Variants in MGAT4C observed in about 807,000 individuals in gnomAD.
The protein encoded by MGAT4C is MGAT4 family member C.
Under a neutral mutation model 40.1 loss-of-function variants are expected in MGAT4C, and 19 were observed. The ratio of observed to expected loss-of-function variants is 0.47; its 90% confidence interval spans 0.33 to 0.70. The LOEUF is 0.70. Among genes scored for constraint, MGAT4C ranks in the 30% least tolerant of loss-of-function variants. MGAT4C has a pLI of 0.02. For synonymous variants in MGAT4C, 181 were observed against 187.1 expected (o/e 0.97, Z 0.27); for missense variants, 491 against 563.2 (o/e 0.87, Z 1.30).
intron 2 of MGAT4C, among the ~76,000 whole-genome samples, chr12:86,710,626 G>A (rs1231653257): frequency 2.0e-5 from 3 of 152,064 alleles, no homozygotes; most frequent in African/African-American, 4.8e-5. Context: ...AAAACAATAT[G>A]GAGATTCCTT....
intron 1 of MGAT4C, among the ~76,000 whole-genome samples, chr12:86,126,775 C>T (rs1759396281): frequency 1.3e-5 from 2 of 152,130 alleles, no homozygotes. Context: ...TGTGTGAATG[C>T]CATGGAGTGT....
intron 2 of MGAT4C, among the ~76,000 whole-genome samples, chr12:86,518,748 G>T (rs1228083819): frequency 6.6e-6 from 1 of 152,004 alleles, no homozygotes; most frequent in Non-Finnish European, 1.5e-5. Flanking sequence ...CTTCTATCAG[G>T]CATATTCAGT....
At chr12:86,355,604 T>C (rs1955291675) in intron 3 of MGAT4C, among the ~76,000 whole-genome samples, 1 of 151,928 alleles carries the variant, frequency 6.6e-6, no homozygotes, top group Non-Finnish European at 1.5e-5. Context: ...CAGGACAACA[T>C]GTTGAAAGTG....
chr12:86,748,536 T>C (rs1951186938), intron 1 of MGAT4C, among the ~76,000 whole-genome samples: 1 of 151,674 alleles, frequency 6.6e-6, no homozygotes, highest in Admixed American at 6.6e-5. Flanking sequence ...AAGAGCCATG[T>C]ATAAGAAGAG....
In MGAT4C at chr12:86,486,291, G is replaced by A. The variant is rs182330047; in HGVS notation, c.-228-51026C>T. On this transcript the variant is annotated intron_variant, in intron 2 of 7. Transcript: ENST00000548651. ...AAAGGTCTATGAAAAGACAAGACCC[G>A]ACTGTCTGCTCTTTTCAAGAGCACC... Among the ~76,000 whole-genome samples the A allele has an allele frequency of 1.2e-3, 182 of 151,568 alleles. 7 individuals are homozygous for A. In the East Asian group the frequency reaches 0.028, roughly 23 times the overall value.
At chr12:86,275,486 T>TA (rs1248999682) in intron 4 of MGAT4C, among the ~76,000 whole-genome samples, 4 of 152,210 alleles carry the variant, frequency 2.6e-5, no homozygotes, top group Non-Finnish European at 2.9e-5. Context: ...GTCCATGTCT[T>TA]AATCCCCGGA....
intron 4 of MGAT4C, among the ~76,000 whole-genome samples, chr12:86,276,763 T>A (rs1295900842): frequency 6.6e-6 from 1 of 152,220 alleles, no homozygotes; most frequent in African/African-American, 2.4e-5. Context: ...AATGACAGAA[T>A]CTCATTCTTT....
chr12:86,796,903 T>A (rs1184927224), intron 1 of MGAT4C, among the ~76,000 whole-genome samples: 3 of 151,880 alleles, frequency 2.0e-5, no homozygotes, highest in Non-Finnish European at 1.5e-5. Context: ...GTACAATACA[T>A]ACAATTGTAT....
intron 1 of MGAT4C, among the ~76,000 whole-genome samples, chr12:86,837,553 G>GTACACCATGCTCCAGGTCAAATA (rs745807591): frequency 1.3e-5 from 2 of 151,956 alleles, no homozygotes; most frequent in African/African-American, 2.4e-5. Flanking sequence ...ACAGCAGCAG[G>GTACACCATGCTCCAGGTCAAATA]TACACCATGC....
At chr12:86,509,857 CTGTT>C (rs1372850430) in intron 2 of MGAT4C, among the ~76,000 whole-genome samples, 1 of 152,106 alleles carries the variant, frequency 6.6e-6, no homozygotes, top group Non-Finnish European at 1.5e-5. Flanking sequence ...ATTTAGCTCT[CTGTT>C]TGTCTGCTAT....
chr12:86,191,126 CACACA>C (rs1593190150), intron 1 of MGAT4C, among the ~76,000 whole-genome samples: 1 of 139,342 alleles, frequency 7.2e-6, no homozygotes, highest in Admixed American at 6.9e-5. Flanking sequence ...CACACACACA[CACACA>C]CACCCCTATA....
intron 1 of MGAT4C, among the ~76,000 whole-genome samples, chr12:86,738,639 T>C (rs1189614078): frequency 1.3e-5 from 2 of 151,318 alleles, no homozygotes; most frequent in African/African-American, 2.4e-5. Context: ...TACATATTGT[T>C]CGATTTTATT....
At chr12:86,677,464 A>G (rs1949888535) in intron 2 of MGAT4C, among the ~76,000 whole-genome samples, 1 of 152,102 alleles carries the variant, frequency 6.6e-6, no homozygotes, top group Admixed American at 6.6e-5. Flanking sequence ...GCAATCAGGG[A>G]ATGAGGTTAC....
chr12:86,604,579 G>A (rs1472463461), intron 2 of MGAT4C, among the ~76,000 whole-genome samples: 1 of 152,030 alleles, frequency 6.6e-6, no homozygotes, highest in Non-Finnish European at 1.5e-5. Flanking sequence ...TATCTAACAT[G>A]ATCCACATAA....
At chr12:86,707,269 G>GA (rs1163676530) in intron 2 of MGAT4C, among the ~76,000 whole-genome samples, 2 of 152,164 alleles carry the variant, frequency 1.3e-5, no homozygotes, top group South Asian at 2.1e-4. Context: ...AAGAAGACAG[G>GA]AAAATGTGGG....
At chr12:86,328,751 T>C (rs957437931) in intron 4 of MGAT4C, among the ~76,000 whole-genome samples, 2 of 152,146 alleles carry the variant, frequency 1.3e-5, no homozygotes, top group Non-Finnish European at 2.9e-5. Flanking sequence ...TTGTTAGCTT[T>C]AATGCATTTT....
intron 1 of MGAT4C, among the ~76,000 whole-genome samples, chr12:86,769,703 A>T (rs1041521681): frequency 2.0e-5 from 3 of 152,120 alleles, no homozygotes; most frequent in African/African-American, 4.8e-5. Flanking sequence ...TGATGAGTTC[A>T]TGTCCTTTGT....
chr12:86,234,643 G>A (rs1345410388), intron 1 of MGAT4C, among the ~76,000 whole-genome samples: 6 of 152,074 alleles, frequency 3.9e-5, no homozygotes, highest in African/African-American at 1.2e-4. Context: ...GCTCTTGGCC[G>A]ACACTGGTTG....
chr12:86,362,834 T>A (rs1592744903), intron 3 of MGAT4C, among the ~76,000 whole-genome samples: 1 of 118,158 alleles, frequency 8.5e-6, no homozygotes, highest in African/African-American at 3.4e-5. Flanking sequence ...GCTGCTGCAC[T>A]CCCGCCTGGG....
Sources: gnomAD v4.1 joint callset for allele counts (sites outside exome capture counted in the v4.1 genomes callset) on GRCh38, gnomAD v4.1.1 for gene constraint, MANE v1.5 for transcripts, NCBI Gene and HGNC (gene_info 2026-07-23, HGNC 2026-07-21) for gene names.